Variants in CTNNA2 observed in about 807,000 individuals in gnomAD.
CTNNA2 encodes catenin alpha 2.
A neutral mutation model predicts 101.0 loss-of-function variants in CTNNA2; 42 were observed. The ratio of observed to expected loss-of-function variants is 0.42; its 90% CI spans 0.32 to 0.54. The LOEUF (loss-of-function observed/expected upper bound fraction) is 0.54, where lower values mean the gene tolerates loss of function less well. Ranked by LOEUF, CTNNA2 falls within the 20% of genes least tolerant of loss-of-function variation. The probability of loss-of-function intolerance (pLI) is 0.14; values close to 1 mark genes in which losing one functional copy is unlikely to be tolerated. For missense variants in CTNNA2, 871 were observed against 1,223.1 expected (o/e 0.71, Z 4.29); for synonymous variants, 450 against 456.4 (o/e 0.99, Z 0.18).
intron 4 of CTNNA2, among the ~76,000 whole-genome samples, chr2:79,868,657 G>A (rs547635560): frequency 6.6e-6 from 1 of 152,214 alleles, no homozygotes; most frequent in Admixed American, 6.5e-5. Flanking sequence ...CCTTTAATTT[G>A]CCCAAAATTA....
chr2:80,519,127 G>T (rs1689327978), intron 9 of CTNNA2, among the ~76,000 whole-genome samples: 1 of 152,070 alleles, frequency 6.6e-6, no homozygotes, highest in South Asian at 2.1e-4. Flanking sequence ...TTTTGTGTGT[G>T]TGTGTACGTG....
At chr2:79,833,008 G>A (rs1166652674) in intron 3 of CTNNA2, among the ~76,000 whole-genome samples, 2 of 152,130 alleles carry the variant, frequency 1.3e-5, no homozygotes, top group African/African-American at 4.8e-5. Context: ...TAAAGCTTTA[G>A]GAAAGGTAAA....
chr2:79,858,461 A>C (rs1681317842), intron 4 of CTNNA2, among the ~76,000 whole-genome samples: 1 of 152,242 alleles, frequency 6.6e-6, no homozygotes, highest in Non-Finnish European at 1.5e-5. Flanking sequence ...ACATTCTTTT[A>C]GTCTACAGAG....
intron 2 of CTNNA2, among the ~76,000 whole-genome samples, chr2:79,279,249 T>C (rs1675296458): frequency 2.0e-5 from 3 of 152,034 alleles, no homozygotes; most frequent in East Asian, 3.9e-4. Context: ...CCTAAGTAAC[T>C]GGGGTTGTGT....
At chr2:80,552,588 G>A (rs1272488701) in intron 11 of CTNNA2, among the ~76,000 whole-genome samples, 1 of 152,046 alleles carries the variant, frequency 6.6e-6, no homozygotes, top group Admixed American at 6.6e-5. Flanking sequence ...ATATGTTCTG[G>A]GAAATGCATC....
At chr2:79,346,130 A>G (rs1428633838) in intron 3 of CTNNA2, among the ~76,000 whole-genome samples, 1 of 152,092 alleles carries the variant, frequency 6.6e-6, no homozygotes, top group East Asian at 1.9e-4. Context: ...GTGACAGTAG[A>G]CTGTCTAGAA....
At chr2:79,366,225 T>C (rs936761135) in intron 3 of CTNNA2, among the ~76,000 whole-genome samples, 3 of 152,146 alleles carry the variant, frequency 2.0e-5, no homozygotes, top group African/African-American at 7.2e-5. Flanking sequence ...GAGGACAAGA[T>C]GTGTCATCTG....
intron 2 of CTNNA2, among the ~76,000 whole-genome samples, chr2:79,295,988 A>C (rs1675970971): frequency 6.6e-6 from 1 of 151,882 alleles, no homozygotes; most frequent in African/African-American, 2.4e-5. Flanking sequence ...TCCTCAACAA[A>C]ATTTCCAAAG....
intron 2 of CTNNA2, among the ~76,000 whole-genome samples, chr2:79,711,651 G>A (rs1002108192): frequency 2.0e-5 from 3 of 152,114 alleles, no homozygotes; most frequent in Non-Finnish European, 4.4e-5. Context: ...CTTTTGCATA[G>A]CTCATCAGAA....
chr2:80,095,830 C>T (rs1455225122), intron 7 of CTNNA2, among the ~76,000 whole-genome samples: 3 of 152,040 alleles, frequency 2.0e-5, no homozygotes. Flanking sequence ...GTTTGTATTT[C>T]TGTGGGATCG....
chr2:80,401,379 A>C (rs1046107347), intron 8 of CTNNA2, among the ~76,000 whole-genome samples: 10 of 152,194 alleles, frequency 6.6e-5, no homozygotes, highest in African/African-American at 2.4e-4. Context: ...TAGTCTAAAA[A>C]GTCTACTTAT....
At chr2:79,280,684 A>AGTG (rs58530663) in intron 2 of CTNNA2, among the ~76,000 whole-genome samples, 1 of 71,554 alleles carries the variant, frequency 1.4e-5, no homozygotes, top group Non-Finnish European at 2.8e-5. Flanking sequence ...AGAGAGAGAG[A>AGTG]AAGAGAGAGA....
At chr2:79,219,964 C>T (rs1301112470) in intron 2 of CTNNA2, among the ~76,000 whole-genome samples, 3 of 152,170 alleles carry the variant, frequency 2.0e-5, no homozygotes, top group African/African-American at 7.2e-5. Flanking sequence ...TACAGATACT[C>T]GTATCCTCCT....
intron 7 of CTNNA2, chr2:80,305,451 G>C: frequency 1.1e-6 from 1 of 891,470 alleles, no homozygotes; most frequent in Non-Finnish European, 1.3e-6. Context: ...GGCTTACCCT[G>C]ACTTGTGCTG....
chr2:79,559,447 C>T (rs1363386778), intron 1 of CTNNA2, among the ~76,000 whole-genome samples: 1 of 151,810 alleles, frequency 6.6e-6, no homozygotes, highest in African/African-American at 2.4e-5. Context: ...TAACAGAGGC[C>T]CGGCTTCATT....
chr2:80,270,295 T>C (rs1209715379), intron 7 of CTNNA2, among the ~76,000 whole-genome samples: 2 of 152,206 alleles, frequency 1.3e-5, no homozygotes, highest in African/African-American at 4.8e-5. Flanking sequence ...GGGATTTTTT[T>C]CCCAATTTCT....
At chr2:79,889,902 C>T (rs1305043294) in intron 6 of CTNNA2, among the ~76,000 whole-genome samples, 3 of 152,178 alleles carry the variant, frequency 2.0e-5, no homozygotes, top group African/African-American at 7.2e-5. Context: ...CAAAGAAGGT[C>T]TGGCCAAAGC....
In CTNNA2 at chr2:80,165,826, G is replaced by A. The variant is rs77063233; in HGVS notation, c.1057-227385G>A. On this transcript the variant is annotated intron_variant, in intron 7 of 18. Transcript: ENST00000402739. ...TTATTATGTGGATCACAGTCTTGGC[G>A]TTCTACTTGGGCTTCTCTGATACCA... is the stretch of plus-strand genomic sequence containing the variant. 3.2e-4 allele frequency among the ~76,000 whole-genome samples: 48 copies of A among 152,242 alleles called. 1 individual carries two copies. Among genetic ancestry groups the A allele is most frequent in the Middle Eastern group, 6.8e-3 (2 of 294 alleles).
At chr2:79,353,993 A>G (rs1351094443) in intron 3 of CTNNA2, among the ~76,000 whole-genome samples, 2 of 152,162 alleles carry the variant, frequency 1.3e-5, no homozygotes, top group Non-Finnish European at 2.9e-5. Context: ...GATGTTAAAA[A>G]TAGTCCCCCA....
Sources: gnomAD v4.1 joint callset for allele counts (sites outside exome capture counted in the v4.1 genomes callset) on GRCh38, gnomAD v4.1.1 for gene constraint, MANE v1.5 for transcripts, NCBI Gene and HGNC (gene_info 2026-07-23, HGNC 2026-07-21) for gene names.